OLFM4: variants seen among roughly 807,000 people sequenced by gnomAD.
The protein encoded by OLFM4 is olfactomedin-4.
In OLFM4, 22 loss-of-function variants were observed where a neutral mutation model predicts 25.5. That is an observed-to-expected ratio of 0.86 (90% CI 0.62 to 1.23). The LOEUF is 1.23. Ranked by LOEUF, OLFM4 falls within the 50% of genes most tolerant of loss-of-function variation. OLFM4 has a pLI of 0.00. For missense variants in OLFM4, 594 were observed against 619.4 expected, an observed-to-expected ratio of 0.96 and a Z score of 0.44; for synonymous variants, 255 against 237.7, an observed-to-expected ratio of 1.07 and a Z score of -0.67.
rs1175311978 is a variant in OLFM4 at position 53,050,639 on chromosome 13, A to G, written c.1401A>G (p.Leu467=). The G allele has an allele frequency of 3.1e-6, 5 of 1,613,992 alleles. No individual in the cohort carries two copies. The highest frequency in any genetic ancestry group is 4.5e-5 in the East Asian group (2 of 44,862). ...CAAACACAGGGAAAGAGGGCAAACT[A>G]GACATTGTAATGCATAAGATGCAGG... ...YDTNTGKEGK[L]DIVMHKMQEK... is the part of the protein sequence containing the mutation. The change falls in exon 5 of 5, where the codon CTA becomes CTG. Residue 467 remains leucine (L), a synonymous_variant. Transcript: ENST00000219022.
intron 1 of OLFM4, 116 bp from the exon 2 acceptor site, chr13:53,034,232 A>T (rs2138232166): frequency 1.1e-6 from 1 of 904,014 alleles, no homozygotes. Flanking sequence ...TCATTTATGT[A>T]TTGGACTCCA....
chr13:53,046,596 G>GC (rs1954717302), intron 4 of OLFM4, among the ~76,000 whole-genome samples: 1 of 152,148 alleles, frequency 6.6e-6, no homozygotes, highest in East Asian at 1.9e-4. Flanking sequence ...ATAATTTGGT[G>GC]CCACTGTGTG....
intron 3 of OLFM4, 54 bp from the exon 4 acceptor site, chr13:53,043,051 T>C (rs202159204): frequency 7.1e-7 from 1 of 1,415,254 alleles, no homozygotes; most frequent in Non-Finnish European, 9.6e-7. Flanking sequence ...CTGGAATGTT[T>C]ATGAAAGAAA....
Position 53,050,132 on chromosome 13 carries a change from AC to A in OLFM4, c.895del (p.Leu299CysfsTer18), listed in dbSNP as rs1463352135. The A allele has an allele frequency of 6.2e-7, 1 of 1,613,802 alleles. No individual in the cohort carries two copies. Among genetic ancestry groups the A allele is most frequent in the Non-Finnish European group, 8.5e-7 (1 of 1,179,918 alleles). On this transcript the variant is annotated frameshift_variant, in exon 5 of 5. Coordinates refer to ENST00000219022, the MANE Select transcript of OLFM4 (RefSeq NM_006418.5). LOFTEE classifies it low-confidence loss of function (END_TRUNC). ...TGGCGCCATTGAATACAGATGGGAG[AC>A]TGTTGGAGTATTATAGACTGTACAA... is the stretch of plus-strand genomic sequence containing the variant. The part of the protein sequence containing the change: ...WVAPLNTDGR[L>X]LEYYRLYNTL...
intron 1 of OLFM4, among the ~76,000 whole-genome samples, chr13:53,030,456 C>T (rs1012906203): frequency 6.6e-6 from 1 of 152,170 alleles, no homozygotes; most frequent in African/African-American, 2.4e-5. Flanking sequence ...GCACCCGCCA[C>T]CACGCCTGGC....
Position 53,043,234 on chromosome 13 carries a change from A to G in OLFM4, c.700A>G (p.Thr234Ala), listed in dbSNP as rs1593481124. 1.2e-6 allele frequency: 2 copies of G among 1,608,118 alleles called. No individual in the cohort carries two copies. The highest frequency in any genetic ancestry group is 1.1e-5 in the South Asian group (1 of 90,136). The change falls in exon 4 of 5, where the codon ACC (threonine) becomes GCC (alanine). Residue 234 changes from threonine (T) to alanine (A), a missense_variant. By Grantham distance (58) the Thr-to-Ala change is moderately conservative. Transcript: ENST00000219022. ...GTGTGAGGCCTCTAAAGATCAAAAC[A>G]CCCCTGTCGTCCACCCTCCTCCCAC... ...KECEASKDQN[T>A]PVVHPPPTPG...
chr13:53,034,684 GCA>G lies in OLFM4; in HGVS notation c.357+187_357+188del, dbSNP rs1954648532. On this transcript the variant is annotated intron_variant, in intron 2 of 4. Coordinates refer to ENST00000219022, the MANE Select transcript of OLFM4 (RefSeq NM_006418.5). ...TCTTATTAAGGCAGGGAAAATGAGA[GCA>G]CAGGAAGAAAGTGGGGTTCAAATTG... 2.6e-5 allele frequency among the ~76,000 whole-genome samples: 4 copies of G among 152,158 alleles called. No homozygotes were observed. The South Asian group carries it at 8.3e-4, about 32-fold the overall frequency.
chr13:53,037,025 G>T (rs1291706211), intron 2 of OLFM4, among the ~76,000 whole-genome samples: 1 of 152,204 alleles, frequency 6.6e-6, no homozygotes, highest in East Asian at 1.9e-4. Flanking sequence ...CCCTTTAGCT[G>T]AGGGCTTTCG....
Position 53,039,741 on chromosome 13 carries a change from C to G in OLFM4, c.358-2169C>G, listed in dbSNP as rs565771498. ...GTGGCCGTATATATGTTTTAACCTC[C>G]CTATCCACCAAAATATCACCAGCTT... On this transcript the variant is annotated intron_variant, in intron 2 of 4. Coordinates refer to ENST00000219022, the MANE Select transcript of OLFM4 (RefSeq NM_006418.5). Among the ~76,000 whole-genome samples the G allele has an allele frequency of 1.7e-3, 258 of 152,170 alleles. 1 individual carries two copies. The highest frequency in any genetic ancestry group is 6.0e-3 in the African/African-American group (249 of 41,540).
At chr13:53,029,247 A>C (rs1415113054) in intron 1 of OLFM4, among the ~76,000 whole-genome samples, 1 of 152,228 alleles carries the variant, frequency 6.6e-6, no homozygotes. Context: ...GCAGTTCTCC[A>C]GCTGGGACTT....
In OLFM4 at chr13:53,051,380, A is replaced by G. The variant is rs1954747630; in HGVS notation, c.*609A>G. ...TGGAGAGAGGCCTTTTTATGCATTA[A>G]ATTGTACATGGCAAATAAATCCCAG... is the stretch of plus-strand genomic sequence containing the variant. On this transcript the variant is annotated 3_prime_UTR_variant, in exon 5 of 5. Coordinates refer to ENST00000219022, the MANE Select transcript of OLFM4 (RefSeq NM_006418.5). 1 of 152,132 alleles carries G rather than the reference A, an allele frequency of 6.6e-6. No homozygotes were observed. Among genetic ancestry groups the G allele is most frequent in the African/African-American group, 2.4e-5 (1 of 41,430 alleles). The allele number at this position is 152,132 out of a possible 1,614,324, so 9.4% of individuals were successfully genotyped here.
At chr13:53,038,175 G>C (rs1327748881) in intron 2 of OLFM4, among the ~76,000 whole-genome samples, 3 of 152,130 alleles carry the variant, frequency 2.0e-5, no homozygotes, top group Non-Finnish European at 4.4e-5. Flanking sequence ...ATTCTTGATA[G>C]AATGTTTAGC....
intron 1 of OLFM4, 40 bp from the exon 2 acceptor site, chr13:53,034,308 T>C: frequency 1.2e-6 from 2 of 1,600,208 alleles, no homozygotes; most frequent in Non-Finnish European, 1.7e-6. Flanking sequence ...AAGCTCAGAT[T>C]CCAGCTTGTT....
intron 4 of OLFM4, among the ~76,000 whole-genome samples, chr13:53,048,915 TTG>T (rs1406142671): frequency 6.6e-6 from 1 of 152,192 alleles, no homozygotes; most frequent in Non-Finnish European, 1.5e-5. Flanking sequence ...GTTCAACTCT[TTG>T]GATAGTTATT....
chr13:53,028,962 C>T lies in OLFM4; in HGVS notation c.126C>T (p.Ser42=). ...PGFSSFPGVD[S]SSSFSSSSRS... is the part of the protein sequence containing the mutation. ...TCAGCTCTTTCCCAGGTGTTGACTCCAGCTCCAGCTTCAGCTCCAGCTCCA... is the reference window on the plus strand; with the variant it reads ...TCAGCTCTTTCCCAGGTGTTGACTCTAGCTCCAGCTTCAGCTCCAGCTCCA... The change falls in exon 1 of 5, where the codon TCC becomes TCT. Residue 42 remains serine (S), a synonymous_variant. Transcript: ENST00000219022. 1 of 1,613,900 alleles carries T rather than the reference C, an allele frequency of 6.2e-7. No individual in the cohort carries two copies. Among genetic ancestry groups the T allele is most frequent in the Non-Finnish European group, 8.5e-7 (1 of 1,179,798 alleles).
At position 53,041,460 on chromosome 13, in the gene OLFM4, CG is replaced by C. The variant is rs561556867; in HGVS notation, c.358-449del. ...GACACAAAGAGGAGAACAACAGAAG[CG>C]TACTTGAGGGTGGAGGGTGAAAGGA... On this transcript the variant is annotated intron_variant, in intron 2 of 4. Coordinates refer to ENST00000219022, the MANE Select transcript of OLFM4 (RefSeq NM_006418.5). 6.4e-4 allele frequency among the ~76,000 whole-genome samples: 98 copies of C among 152,048 alleles called. No individual in the cohort carries two copies. The Middle Eastern group carries it at 0.014, about 21-fold the overall frequency.
At chr13:53,034,951 T>C (rs1954650532) in intron 2 of OLFM4, among the ~76,000 whole-genome samples, 2 of 152,176 alleles carry the variant, frequency 1.3e-5, no homozygotes, top group South Asian at 2.1e-4. Flanking sequence ...ATTCCATTCC[T>C]GCATCCTTTA....
intron 2 of OLFM4, among the ~76,000 whole-genome samples, chr13:53,040,586 C>T (rs1331288933): frequency 3.3e-5 from 5 of 152,186 alleles, no homozygotes; most frequent in African/African-American, 7.2e-5. Context: ...ATTTTGTCCC[C>T]AGGGAACATT....
chr13:53,034,411 C>G lies in OLFM4; in HGVS notation c.268C>G (p.Pro90Ala). The G allele has an allele frequency of 6.2e-7, 1 of 1,614,022 alleles. No individual in the cohort carries two copies. Among genetic ancestry groups the G allele is most frequent in the Non-Finnish European group, 8.5e-7 (1 of 1,179,960 alleles). Residue 90 changes from proline (P) to alanine (A), a missense_variant, in exon 2 of 5, where the codon CCA (proline) becomes GCA (alanine). Coordinates refer to ENST00000219022, the MANE Select transcript of OLFM4 (RefSeq NM_006418.5). ...RGTCQCSVSL[P>A]DTTFPVDRVE... ...GACCTGCCAGTGCTCTGTTTCCCTGCCAGACACCACCTTTCCCGTGGACAG... is the reference window on the plus strand; with the variant it reads ...GACCTGCCAGTGCTCTGTTTCCCTGGCAGACACCACCTTTCCCGTGGACAG...
Sources: gnomAD v4.1 joint callset for allele counts (sites outside exome capture counted in the v4.1 genomes callset) on GRCh38, gnomAD v4.1.1 for gene constraint, MANE v1.5 for transcripts, NCBI Gene and HGNC (gene_info 2026-07-23, HGNC 2026-07-21) for gene names.